Variants in NTN4 observed in about 807,000 individuals in gnomAD.
NTN4 encodes the protein netrin 4.
NTN4 carries 32 observed loss-of-function variants against 73.6 expected under a neutral mutation model. The ratio of observed to expected loss-of-function variants is 0.44; its 90% confidence interval spans 0.33 to 0.58. NTN4 has a LOEUF of 0.58. NTN4 is among the 20% of genes least tolerant of loss of function. NTN4 has a pLI of 0.04. For synonymous variants in NTN4, 258 were observed against 287.5 expected (o/e 0.90, Z 1.04); for missense variants, 654 against 798.3 (o/e 0.82, Z 2.18).
At chr12:95,736,907 G>A (rs1313259552) in intron 3 of NTN4, among the ~76,000 whole-genome samples, 1 of 152,188 alleles carries the variant, frequency 6.6e-6, no homozygotes, top group African/African-American at 2.4e-5. Flanking sequence ...CTAGGGCTGA[G>A]AGAAAGAAGA....
intron 5 of NTN4, among the ~76,000 whole-genome samples, chr12:95,686,329 C>T (rs777381611): frequency 7.9e-5 from 12 of 152,120 alleles, no homozygotes; most frequent in Non-Finnish European, 1.8e-4. Context: ...CAGAGGTATA[C>T]ATAAAGCACT....
chr12:95,665,207 T>C (rs1439904010), intron 9 of NTN4, among the ~76,000 whole-genome samples: 1 of 152,206 alleles, frequency 6.6e-6, no homozygotes, highest in Non-Finnish European at 1.5e-5. Flanking sequence ...TCACTTCTGC[T>C]ATAACATTTA....
chr12:95,718,239 G>A (rs1473029363), intron 3 of NTN4, among the ~76,000 whole-genome samples: 1 of 152,154 alleles, frequency 6.6e-6, no homozygotes, highest in Non-Finnish European at 1.5e-5. Flanking sequence ...TTATCTTTTA[G>A]ATTCATAACT....
intron 7 of NTN4, among the ~76,000 whole-genome samples, chr12:95,680,075 CAT>C (rs2078304162): frequency 2.0e-5 from 3 of 152,288 alleles, no homozygotes; most frequent in African/African-American, 4.8e-5. Context: ...CCCTCTAAAA[CAT>C]ATCTTATTCC....
chr12:95,671,341 C>T (rs2078228664), intron 7 of NTN4, among the ~76,000 whole-genome samples: 1 of 152,056 alleles, frequency 6.6e-6, no homozygotes, highest in Non-Finnish European at 1.5e-5. Flanking sequence ...AACCCCTGGC[C>T]GTGGACTGGT....
At chr12:95,680,286 G>T (rs1003298127) in intron 7 of NTN4, among the ~76,000 whole-genome samples, 3 of 152,166 alleles carry the variant, frequency 2.0e-5, no homozygotes, top group Non-Finnish European at 4.4e-5. Flanking sequence ...AATTTATAAA[G>T]AACTACTACA....
intron 2 of NTN4, among the ~76,000 whole-genome samples, chr12:95,785,724 G>A (rs1254376147): frequency 6.6e-6 from 1 of 152,164 alleles, no homozygotes; most frequent in African/African-American, 2.4e-5. Flanking sequence ...GCCTGAGGGG[G>A]TCAATACATG....
chr12:95,681,172 G>A (rs2078312303), intron 7 of NTN4, among the ~76,000 whole-genome samples: 3 of 125,862 alleles, frequency 2.4e-5, no homozygotes, highest in African/African-American at 9.4e-5. Flanking sequence ...CTGGGCAACA[G>A]AGTGAGACTT....
At chr12:95,704,603 CA>C in intron 5 of NTN4, among the ~76,000 whole-genome samples, 1 of 152,174 alleles carries the variant, frequency 6.6e-6, no homozygotes, top group Non-Finnish European at 1.5e-5. Flanking sequence ...AAAATGCTCT[CA>C]AACATACTCC....
intron 4 of NTN4, among the ~76,000 whole-genome samples, chr12:95,712,937 T>C (rs1237601488): frequency 6.6e-6 from 1 of 151,930 alleles, no homozygotes; most frequent in Non-Finnish European, 1.5e-5. Flanking sequence ...CCTCCTGTTT[T>C]TATTATGTCA....
At chr12:95,741,953 A>C (rs1223795484) in intron 2 of NTN4, among the ~76,000 whole-genome samples, 1 of 152,010 alleles carries the variant, frequency 6.6e-6, no homozygotes, top group Non-Finnish European at 1.5e-5. Flanking sequence ...AAAATATCTG[A>C]CCCTCTGAAT....
chr12:95,769,513 T>C lies in NTN4; in HGVS notation c.585+17426A>G, dbSNP rs1332090510. Among the ~76,000 whole-genome samples the C allele has an allele frequency of 2.8e-5, 4 of 141,862 alleles. No individual in the cohort carries two copies. The Admixed American group carries it at 3.1e-4, about 11-fold the overall frequency. The allele number at this position is 141,862 out of a possible 152,430, so 93.1% of individuals were successfully genotyped here. A position where few individuals can be genotyped will look rare whatever the true frequency, so the allele number is the denominator to read the frequency against. On this transcript the variant is annotated intron_variant, in intron 2 of 9. Transcript: ENST00000343702. ...CCCGGAATCACAGCTGATTCAGAGA[T>C]GCCACCGCAGCCAGTGGTGGAAGAA... is the stretch of plus-strand genomic sequence containing the variant.
Position 95,665,798 on chromosome 12 carries a change from T to C in NTN4, c.1750+12A>G. On this transcript the variant is annotated intron_variant, in intron 9 of 9. Transcript: ENST00000343702. ...CAAGGTAGGTACTAAGATAGGAAAG[T>C]CTAATACTCACCAGGATTGAGGATT... 1 of 1,608,938 alleles carries C rather than the reference T, an allele frequency of 6.2e-7. No homozygotes were observed. Among genetic ancestry groups the C allele is most frequent in the Non-Finnish European group, 8.5e-7 (1 of 1,176,960 alleles).
At chr12:95,788,622 T>C (rs1424238206) in intron 1 of NTN4, among the ~76,000 whole-genome samples, 1 of 152,214 alleles carries the variant, frequency 6.6e-6, no homozygotes, top group East Asian at 1.9e-4. Context: ...ATAGTAAGGA[T>C]TGGAGGAGGC....
At position 95,787,369 on chromosome 12, in the gene NTN4, G is replaced by T. The variant is rs766923469; in HGVS notation, c.155C>A (p.Thr52Asn). 1.2e-6 allele frequency: 2 copies of T among 1,614,214 alleles called. No homozygotes were observed. Among genetic ancestry groups the T allele is most frequent in the Non-Finnish European group, 1.7e-6 (2 of 1,180,034 alleles). ...CAGTTCGGTAGCATTCTGACCGCAGGTGGTGTCTGCCCAGAGTTTTCGCCC... is the reference window on the plus strand; with the variant it reads ...CAGTTCGGTAGCATTCTGACCGCAGTTGGTGTCTGCCCAGAGTTTTCGCCC... The part of the protein sequence containing the change: ...ALGRKLWADT[T>N]CGQNATELYC... Residue 52 changes from threonine to asparagine, a missense_variant, in exon 2 of 10, where the codon ACC becomes AAC. Transcript: ENST00000343702.
intron 3 of NTN4, among the ~76,000 whole-genome samples, chr12:95,735,759 G>A (rs1405807343): frequency 1.3e-5 from 2 of 151,902 alleles, no homozygotes; most frequent in Admixed American, 6.6e-5. Context: ...ATCCATTGTT[G>A]AATTTGGCAG....
chr12:95,752,744 C>T (rs1191047561), intron 2 of NTN4, among the ~76,000 whole-genome samples: 1 of 152,224 alleles, frequency 6.6e-6, no homozygotes, highest in Non-Finnish European at 1.5e-5. Flanking sequence ...GCCAGGACCA[C>T]ACCGTGTAGC....
At chr12:95,684,329 C>G (rs2078342998) in intron 5 of NTN4, among the ~76,000 whole-genome samples, 1 of 151,830 alleles carries the variant, frequency 6.6e-6, no homozygotes, top group Non-Finnish European at 1.5e-5. Context: ...GAGAGGGTCT[C>G]ACTCTATCAC....
chr12:95,720,284 A>C (rs987089652), intron 3 of NTN4, among the ~76,000 whole-genome samples: 1 of 152,186 alleles, frequency 6.6e-6, no homozygotes, highest in Non-Finnish European at 1.5e-5. Context: ...AAGGGGAGAG[A>C]GGAGCCAAAA....
Sources: allele counts gnomAD v4.1 joint callset (sites outside exome capture counted in the v4.1 genomes callset), GRCh38; gene constraint gnomAD v4.1.1; transcripts MANE v1.5; gene names NCBI Gene and HGNC (gene_info 2026-07-23, HGNC 2026-07-21).